SLC26A7: variants seen among roughly 807,000 people sequenced by gnomAD.
SLC26A7 encodes the protein anion exchange transporter.
In SLC26A7, 59 loss-of-function variants were observed where a neutral mutation model predicts 82.5. That is an observed-to-expected ratio of 0.72 (90% CI 0.58 to 0.89). SLC26A7 has a LOEUF of 0.89. Ranked by LOEUF, SLC26A7 falls within the 40% of genes least tolerant of loss-of-function variation. The pLI, the probability that SLC26A7 is intolerant of heterozygous loss-of-function variation, is 0.00. For missense variants in SLC26A7, 820 were observed against 793.0 expected, an observed-to-expected ratio of 1.03 and a Z score of -0.41; for synonymous variants, 271 against 274.3, an observed-to-expected ratio of 0.99 and a Z score of 0.12.
chr8:91,322,905 T>C (rs1364623084), intron 5 of SLC26A7, among the ~76,000 whole-genome samples: 3 of 152,314 alleles, frequency 2.0e-5, no homozygotes, highest in South Asian at 2.1e-4. Context: ...AGTACTTTTC[T>C]AGTTTGGACT....
At chr8:91,303,201 T>G (rs1275158485) in intron 4 of SLC26A7, among the ~76,000 whole-genome samples, 1 of 152,210 alleles carries the variant, frequency 6.6e-6, no homozygotes, top group Non-Finnish European at 1.5e-5. Flanking sequence ...CCAGTATCAA[T>G]TAGCATTTCT....
intron 1 of SLC26A7, among the ~76,000 whole-genome samples, chr8:91,209,985 G>A (rs1313672935): frequency 6.6e-6 from 1 of 152,158 alleles, no homozygotes; most frequent in East Asian, 1.9e-4. Flanking sequence ...TGCAGTTCAT[G>A]CTATTGAGGA....
chr8:91,327,732 A>G (rs1812971888), intron 5 of SLC26A7, among the ~76,000 whole-genome samples: 1 of 152,188 alleles, frequency 6.6e-6, no homozygotes, highest in Admixed American at 6.5e-5. Flanking sequence ...ACAGTGTGCT[A>G]ATTTTACTAA....
At chr8:91,263,652 C>G (rs901751195) in intron 2 of SLC26A7, among the ~76,000 whole-genome samples, 1 of 152,064 alleles carries the variant, frequency 6.6e-6, no homozygotes, top group Non-Finnish European at 1.5e-5. Context: ...TCCCTTCTTT[C>G]CTTCCTATCA....
Position 91,261,006 on chromosome 8 carries a change from A to G in SLC26A7, c.193+11162A>G, listed in dbSNP as rs1810948596. Among the ~76,000 whole-genome samples, 5 of 152,234 alleles carry G rather than the reference A, an allele frequency of 3.3e-5. No individual in the cohort carries two copies. The South Asian group carries it at 8.3e-4, about 25-fold the overall frequency. On this transcript the variant is annotated intron_variant, in intron 2 of 18. Transcript: ENST00000276609. ...CCTAATCCTGCTGATATTGTAAACT[A>G]GACAGCTGGTTATACTGTGGTTTGC...
intron 15 of SLC26A7, among the ~76,000 whole-genome samples, chr8:91,388,684 G>A (rs1814870604): frequency 6.6e-6 from 1 of 152,088 alleles, no homozygotes; most frequent in African/African-American, 2.4e-5. Context: ...ATCATGTAAG[G>A]AAATCGTGGC....
chr8:91,294,976 T>C (rs907329133), intron 3 of SLC26A7, among the ~76,000 whole-genome samples: 1 of 152,160 alleles, frequency 6.6e-6, no homozygotes, highest in African/African-American at 2.4e-5. Context: ...TTATTAGATA[T>C]GGGATTTGAG....
chr8:91,323,701 T>TA (rs1812856022), intron 5 of SLC26A7, among the ~76,000 whole-genome samples: 2 of 152,150 alleles, frequency 1.3e-5, no homozygotes, highest in Non-Finnish European at 1.5e-5. Flanking sequence ...TATAATGATG[T>TA]AAAAAACTAC....
At chr8:91,234,120 T>C (rs1201059992) in intron 2 of SLC26A7, among the ~76,000 whole-genome samples, 1 of 152,232 alleles carries the variant, frequency 6.6e-6, no homozygotes, top group Non-Finnish European at 1.5e-5. Context: ...TTCACTAGTA[T>C]AATCCTCAAT....
At chr8:91,276,442 T>G (rs1811409647) in intron 2 of SLC26A7, among the ~76,000 whole-genome samples, 1 of 152,216 alleles carries the variant, frequency 6.6e-6, no homozygotes, top group African/African-American at 2.4e-5. Context: ...CTCATTTTTG[T>G]TTATAAATCC....
At chr8:91,287,799 G>T (rs1437785280) in intron 2 of SLC26A7, among the ~76,000 whole-genome samples, 1 of 152,208 alleles carries the variant, frequency 6.6e-6, no homozygotes, top group Non-Finnish European at 1.5e-5. Context: ...CTTCTTGGTA[G>T]AGGTGGGGAA....
chr8:91,319,551 A>G (rs1402615704), intron 5 of SLC26A7, among the ~76,000 whole-genome samples: 7 of 152,230 alleles, frequency 4.6e-5, no homozygotes, highest in Admixed American at 4.6e-4. Context: ...CATTGTAAGA[A>G]TGATTAACAC....
At chr8:91,384,454 A>G (rs1425824309) in intron 15 of SLC26A7, among the ~76,000 whole-genome samples, 1 of 152,090 alleles carries the variant, frequency 6.6e-6, no homozygotes, top group African/African-American at 2.4e-5. Flanking sequence ...CCTTAAATTA[A>G]TCAAATCTAC....
chr8:91,372,136 C>A (rs1814380534), intron 15 of SLC26A7, among the ~76,000 whole-genome samples: 1 of 151,732 alleles, frequency 6.6e-6, no homozygotes, highest in Non-Finnish European at 1.5e-5. Context: ...AATATTAGTC[C>A]TTTGTTGGAT....
intron 2 of SLC26A7, among the ~76,000 whole-genome samples, chr8:91,237,065 A>G (rs965523839): frequency 1.3e-4 from 20 of 152,320 alleles, no homozygotes; most frequent in Non-Finnish European, 2.6e-4. Flanking sequence ...ACTACCCGCT[A>G]TCATTGACAG....
chr8:91,336,871 A>T (rs1477361557), intron 6 of SLC26A7, among the ~76,000 whole-genome samples: 1 of 152,140 alleles, frequency 6.6e-6, no homozygotes, highest in African/African-American at 2.4e-5. Flanking sequence ...TAGCTATGGC[A>T]TATTTTCTTT....
Position 91,395,259 on chromosome 8 carries a change from C to G in SLC26A7, c.*162C>G, listed in dbSNP as rs374854233. On this transcript the variant is annotated 3_prime_UTR_variant, in exon 19 of 19. Transcript: ENST00000276609. ...CTGCATAGCAGTTGGAAAGAACTGC[C>G]AACTTTTTTTTCTCATTTTTGTTAG... is the stretch of plus-strand genomic sequence containing the variant. The G allele has an allele frequency of 1.7e-5, 23 of 1,392,118 alleles. No individual in the cohort carries two copies. Among genetic ancestry groups the G allele is most frequent in the Non-Finnish European group, 2.1e-5 (22 of 1,071,410 alleles). 86.2% of individuals were successfully genotyped at this position (1,392,118 alleles called of 1,614,324 possible). A position where few individuals can be genotyped will look rare whatever the true frequency, so the allele number is the denominator to read the frequency against.
intron 4 of SLC26A7, among the ~76,000 whole-genome samples, chr8:91,311,527 A>G (rs777389006): frequency 1.1e-4 from 16 of 152,188 alleles, no homozygotes; most frequent in Non-Finnish European, 2.4e-4. Context: ...ATTTTTAAGT[A>G]TATAATTCAG....
rs1359270486 is a variant in SLC26A7 at position 91,389,387 on chromosome 8, T to C, written c.1725T>C (p.Asp575=). 1 of 1,614,010 alleles carries C rather than the reference T, an allele frequency of 6.2e-7. No homozygotes were observed. The highest frequency in any genetic ancestry group is 1.3e-5 in the African/African-American group (1 of 74,936). ...ATGAGAAGTGTTATTTAATCCTGGA[T>C]TGCAGTGGATTTACCTTTTTTGACT... The part of the protein sequence containing the change: ...CPNEKCYLIL[D]CSGFTFFDYS... Residue 575 remains aspartate (D), a synonymous_variant, in exon 16 of 19, where the codon GAT becomes GAC. Transcript: ENST00000276609.
Sources: gnomAD v4.1 joint callset for allele counts (sites outside exome capture counted in the v4.1 genomes callset) on GRCh38, gnomAD v4.1.1 for gene constraint, MANE v1.5 for transcripts, NCBI Gene and HGNC (gene_info 2026-07-23, HGNC 2026-07-21) for gene names.